Variants in PPAT observed in about 807,000 individuals in gnomAD.
PPAT encodes the protein amidophosphoribosyltransferase.
A neutral mutation model predicts 60.2 loss-of-function variants in PPAT; 20 were observed. That is an observed-to-expected ratio of 0.33 (90% CI 0.23 to 0.48). The LOEUF is 0.48. Ranked by LOEUF, PPAT falls within the 20% of genes least tolerant of loss-of-function variation. PPAT has a pLI of 0.99. For synonymous variants in PPAT, 194 were observed against 215.1 expected (o/e 0.90, Z 0.86); for missense variants, 349 against 629.6 (o/e 0.55, Z 4.77).
chr4:56,420,728 G>T (rs992452774), intron 1 of PPAT: 2 of 152,142 alleles, frequency 1.3e-5, no homozygotes, highest in African/African-American at 4.8e-5. Context: ...GGGCATTGAA[G>T]AACTTAGAAA....
At position 56,433,523 on chromosome 4, in the gene PPAT, C is replaced by T. The variant is rs79114130; in HGVS notation, c.128+1827G>A. 2.7e-5 allele frequency among the ~76,000 whole-genome samples: 4 copies of T among 148,154 alleles called. No individual in the cohort carries two copies. In the South Asian group the frequency reaches 6.4e-4, roughly 24 times the overall value. Reference sequence around the variant, plus strand: ...AAAAAAAAAAAAGCCTCTTTTTCTTCAGGCACACATTTAAAGGGAAGGAGA... The same window carrying T: ...AAAAAAAAAAAAGCCTCTTTTTCTTTAGGCACACATTTAAAGGGAAGGAGA... On this transcript the variant is annotated intron_variant, in intron 1 of 10. Transcript: ENST00000264220.
intron 1 of PPAT, among the ~76,000 whole-genome samples, chr4:56,428,124 C>A (rs1392890077): frequency 6.6e-6 from 1 of 152,140 alleles, no homozygotes. Context: ...TTTCTTTTGA[C>A]TCATATTGAA....
rs1255658775 is a variant in PPAT at position 56,413,330 on chromosome 4, T to G, written c.129-5614A>C. Among the ~76,000 whole-genome samples, 7 of 152,138 alleles carry G rather than the reference T, an allele frequency of 4.6e-5. No individual in the cohort carries two copies. In the East Asian group the frequency reaches 1.4e-3, roughly 29 times the overall value. ...CCACCATGCCCAGCTAGTTTTTGTA[T>G]TTTTAGGAGAGACAGGGTTTCATCA... On this transcript the variant is annotated intron_variant, in intron 1 of 10. Transcript: ENST00000264220.
chr4:56,411,028 CTG>C (rs1171021371), intron 1 of PPAT: 3 of 671,730 alleles, frequency 4.5e-6, no homozygotes, highest in Non-Finnish European at 5.5e-6. Flanking sequence ...AATATCAAGA[CTG>C]TGGAAAAATA....
chr4:56,403,110 T>G lies in PPAT; in HGVS notation c.591A>C (p.Val197=). 6.2e-7 allele frequency: 1 copy of G among 1,612,772 alleles called. No individual in the cohort carries two copies. The highest frequency in any genetic ancestry group is 8.5e-7 in the Non-Finnish European group (1 of 1,178,838). The part of the protein sequence containing the change: ...LIMHRDVIYA[V]RDPYGNRPLC... ...AGGGACGATTTCCATAAGGATCTCG[T>G]ACTGCATAAATAACATCTCTGTGCA... is the stretch of plus-strand genomic sequence containing the variant. The change falls in exon 5 of 11, where the codon GTA becomes GTC. Residue 197 remains valine (V), a synonymous_variant. Coordinates refer to ENST00000264220, the MANE Select transcript of PPAT (RefSeq NM_002703.5).
chr4:56,429,006 G>GT, intron 1 of PPAT: 1 of 961,706 alleles, frequency 1.0e-6, no homozygotes, highest in South Asian at 4.8e-5. Context: ...CATGAAGATG[G>GT]TAAGAGCCAG....
intron 1 of PPAT, chr4:56,421,883 T>C (rs113465542): frequency 5.9e-5 from 9 of 152,182 alleles, no homozygotes; most frequent in Admixed American, 3.3e-4. Context: ...CCAATATCTA[T>C]AGTGACAAAA....
At chr4:56,414,123 A>G (rs1366751560) in intron 1 of PPAT, 1 of 152,158 alleles carries the variant, frequency 6.6e-6, no homozygotes, top group Non-Finnish European at 1.5e-5. Flanking sequence ...AGAATCCAAA[A>G]ATTTTTAAGG....
At chr4:56,433,479 G>A (rs2110071992) in intron 1 of PPAT, among the ~76,000 whole-genome samples, 2 of 142,528 alleles carry the variant, frequency 1.4e-5, no homozygotes, top group Non-Finnish European at 1.5e-5. Flanking sequence ...ACTCCAACCA[G>A]TGCTAACATG....
chr4:56,423,910 C>T (rs558585462), intron 1 of PPAT, among the ~76,000 whole-genome samples: 2 of 152,076 alleles, frequency 1.3e-5, no homozygotes, highest in South Asian at 2.1e-4. Context: ...ATTGCCACTC[C>T]GCTCTTAGGA....
Position 56,396,784 on chromosome 4 carries a change from A to G in PPAT, c.1237-45T>C, listed in dbSNP as rs368755475. On this transcript the variant is annotated intron_variant, in intron 9 of 10. Transcript: ENST00000264220. The surrounding 1 kb of genome is among the most constrained non-coding windows in gnomAD (Gnocchi z 4.6). ...ACACAAGGTTTTTAAGACTATGCAAAATTCTTTCATTGTGCAAATACAATA... is the reference window on the plus strand; with the variant it reads ...ACACAAGGTTTTTAAGACTATGCAAGATTCTTTCATTGTGCAAATACAATA... 1.9e-5 allele frequency: 30 copies of G among 1,571,036 alleles called. No homozygotes were observed. Among genetic ancestry groups the G allele is most frequent in the African/African-American group, 2.7e-5 (2 of 72,918 alleles).
chr4:56,401,174 T>C (rs554035936), intron 7 of PPAT, among the ~76,000 whole-genome samples, 156 bp downstream of exon 7: 3 of 151,942 alleles, frequency 2.0e-5, no homozygotes, highest in Non-Finnish European at 2.9e-5. Flanking sequence ...AAGTGAAAAA[T>C]AGTGATCTTA....
chr4:56,426,027 A>G (rs746774478), intron 1 of PPAT, among the ~76,000 whole-genome samples: 5 of 152,214 alleles, frequency 3.3e-5, no homozygotes, highest in African/African-American at 1.2e-4. Flanking sequence ...ACTAAAGCGT[A>G]TAACTGTGGT....
intron 1 of PPAT, among the ~76,000 whole-genome samples, chr4:56,434,363 G>A (rs942205051): frequency 6.6e-6 from 1 of 152,184 alleles, no homozygotes; most frequent in African/African-American, 2.4e-5. Context: ...TTATTGCCAA[G>A]TTCCTTAACT....
Position 56,396,372 on chromosome 4 carries a change from T to C in PPAT, c.1357+247A>G. 3.4e-6 allele frequency: 1 copy of C among 294,076 alleles called. No homozygotes were observed. Among genetic ancestry groups the C allele is most frequent in the Admixed American group, 5.0e-5 (1 of 19,830 alleles). 18.2% of individuals were successfully genotyped at this position (294,076 alleles called of 1,614,324 possible). A position where few individuals can be genotyped will look rare whatever the true frequency, so the allele number is the denominator to read the frequency against. On this transcript the variant is annotated intron_variant, in intron 10 of 10. Coordinates refer to ENST00000264220, the MANE Select transcript of PPAT (RefSeq NM_002703.5). The surrounding 1 kb of genome is among the most constrained non-coding windows in gnomAD (Gnocchi z 4.6). ...GGCTTTAAGTGATTATGATTGCACT[T>C]CCCTCCACCTGGAAACCACCTCTTC...
In PPAT at chr4:56,396,123, C is replaced by T. The variant is rs1715962178; in HGVS notation, c.1357+496G>A. 6.6e-6 allele frequency among the ~76,000 whole-genome samples: 1 copy of T among 152,116 alleles called. No homozygotes were observed. The highest frequency in any genetic ancestry group is 6.6e-5 in the Admixed American group (1 of 15,262). ...AACAGATGGTGTGGAGGTACCAAGG[C>T]ACAATGACTAAATATCATGTGTTAT... On this transcript the variant is annotated intron_variant, in intron 10 of 10. Transcript: ENST00000264220. The surrounding 1 kb of genome is among the most constrained non-coding windows in gnomAD (Gnocchi z 4.6).
At chr4:56,431,651 T>C in intron 1 of PPAT, 1 of 304,460 alleles carries the variant, frequency 3.3e-6, no homozygotes, top group Non-Finnish European at 4.8e-6. Flanking sequence ...GGCATGGTTA[T>C]CTCCTAATCA....
At chr4:56,421,997 G>A (rs1257362640) in intron 1 of PPAT, 3 of 152,226 alleles carry the variant, frequency 2.0e-5, no homozygotes, top group Non-Finnish European at 4.4e-5. Flanking sequence ...TGGGCCAGGC[G>A]TTGTGGCTCA....
At chr4:56,399,094 T>C (rs934970813) in intron 9 of PPAT, 85 bp downstream of exon 9, 5 of 1,184,066 alleles carry the variant, frequency 4.2e-6, no homozygotes, top group Non-Finnish European at 4.9e-6. Context: ...TGAACATCCA[T>C]TTTGATTCAC....
Sources: allele counts gnomAD v4.1 joint callset (sites outside exome capture counted in the v4.1 genomes callset), GRCh38; gene constraint gnomAD v4.1.1; non-coding constraint Gnocchi (gnomAD v3.1); transcripts MANE v1.5; gene names NCBI Gene and HGNC (gene_info 2026-07-23, HGNC 2026-07-21).